POLD3: variants seen among roughly 807,000 people sequenced by gnomAD.
POLD3 encodes the protein DNA polymerase delta 3, accessory subunit, also known as DNA polymerase delta subunit 3.
A neutral mutation model predicts 58.2 loss-of-function variants in POLD3; 19 were observed. That is an observed-to-expected ratio of 0.33 (90% CI 0.23 to 0.48). POLD3 has a LOEUF of 0.48. POLD3 is among the 20% of genes least tolerant of loss of function. The pLI, the probability that POLD3 is intolerant of heterozygous loss-of-function variation, is 0.99. For missense variants in POLD3, 504 were observed against 545.5 expected (o/e 0.92, Z 0.76); for synonymous variants, 172 against 193.5 (o/e 0.89, Z 0.92).
Position 74,629,270 on chromosome 11 carries a change from G to A in POLD3, c.953G>A (p.Arg318Lys). The change falls in exon 9 of 12, where the codon AGG becomes AAG. Residue 318 changes from arginine (R) to lysine (K), a missense_variant. Around this residue, in one of 2 missense-constraint regions of POLD3, gnomAD observed 385 missense variants for 370.5 expected, o/e 1.04. Transcript: ENST00000263681. ...GAGACAAAGGAAACTGAAAACATGA[G>A]GAAAAAGAGGAGAAGAATCAAACTT... ...DDETKETENM[R>K]KKRRRIKLPE... 1 of 1,608,636 alleles carries A rather than the reference G, an allele frequency of 6.2e-7. No individual in the cohort carries two copies.
intron 3 of POLD3, among the ~76,000 whole-genome samples, chr11:74,608,915 T>C (rs17310668): frequency 0.038 from 5,817 of 152,298 alleles, 166 homozygotes; most frequent in Non-Finnish European, 0.054. Flanking sequence ...AGAAAATGCA[T>C]TATGAGAACA....
intron 4 of POLD3, among the ~76,000 whole-genome samples, chr11:74,665,112 TAAAAATAAAA>T (rs1333835350): frequency 4.9e-5 from 7 of 143,528 alleles, no homozygotes; most frequent in Non-Finnish European, 1.5e-5. Context: ...AAAATAAAAA[TAAAAATAAAA>T]TAAATAAATA....
chr11:74,622,945 A>G (rs1185637939), intron 7 of POLD3, among the ~76,000 whole-genome samples: 6 of 152,260 alleles, frequency 3.9e-5, no homozygotes, highest in Non-Finnish European at 2.9e-5. Flanking sequence ...AAAGTCTGTC[A>G]TCTGATGAAT....
chr11:74,665,894 C>G (rs1000303129), intron 4 of POLD3, among the ~76,000 whole-genome samples: 2 of 152,164 alleles, frequency 1.3e-5, no homozygotes, highest in African/African-American at 4.8e-5. Context: ...GTACTGGAGG[C>G]TCTAGCCAGG....
In POLD3 at chr11:74,642,092, C is replaced by G; in HGVS notation, c.*1326C>G. 3.0e-6 allele frequency: 3 copies of G among 985,434 alleles called. No individual in the cohort carries two copies. The highest frequency in any genetic ancestry group is 3.6e-6 in the Non-Finnish European group (3 of 829,944). The allele number at this position is 985,434 out of a possible 1,614,324, so 61.0% of individuals were successfully genotyped here. A position where few individuals can be genotyped will look rare whatever the true frequency, so the allele number is the denominator to read the frequency against. ...CAGACAAGGGGTGTCTGACTGGCTT[C>G]TTTTGCCTCAAGATGGTGTATGTCG... is the stretch of plus-strand genomic sequence containing the variant. On this transcript the variant is annotated 3_prime_UTR_variant, in exon 12 of 12. Transcript: ENST00000263681.
At chr11:74,628,926 C>T in intron 8 of POLD3, 1 of 231,328 alleles carries the variant, frequency 4.3e-6, no homozygotes, top group South Asian at 1.4e-4. Flanking sequence ...ATTGAAAGGC[C>T]AATCAGGGAA....
intron 11 of POLD3, 47 bp downstream of exon 11, chr11:74,636,322 A>C (rs2032750359): frequency 6.3e-7 from 1 of 1,583,716 alleles, no homozygotes; most frequent in East Asian, 2.2e-5. Flanking sequence ...ATCTCTTATT[A>C]CCACAGAGGC....
At chr11:74,615,157 C>T in intron 5 of POLD3, among the ~76,000 whole-genome samples, 1 of 152,190 alleles carries the variant, frequency 6.6e-6, no homozygotes, top group East Asian at 1.9e-4. Flanking sequence ...CTCTCAGTGC[C>T]TCCCTGTTCT....
chr11:74,658,180 T>C (rs1363133014), intron 4 of POLD3, among the ~76,000 whole-genome samples: 1 of 152,168 alleles, frequency 6.6e-6, no homozygotes, highest in Non-Finnish European at 1.5e-5. Flanking sequence ...AAGGCACTTC[T>C]TACATGGCAG....
At chr11:74,607,465 A>G (rs2135129645) in intron 3 of POLD3, among the ~76,000 whole-genome samples, 1 of 149,752 alleles carries the variant, frequency 6.7e-6, no homozygotes, top group East Asian at 2.0e-4. Flanking sequence ...GACGGGTTTC[A>G]CCATATTAGC....
At chr11:74,613,910 G>A (rs2031996894) in intron 5 of POLD3, among the ~76,000 whole-genome samples, 1 of 152,158 alleles carries the variant, frequency 6.6e-6, no homozygotes, top group African/African-American at 2.4e-5. Context: ...ATAGAGTGAG[G>A]GGACAAGACT....
intron 4 of POLD3, among the ~76,000 whole-genome samples, chr11:74,662,974 C>T (rs896663028): frequency 6.6e-6 from 1 of 152,200 alleles, no homozygotes; most frequent in Non-Finnish European, 1.5e-5. Flanking sequence ...TTGCTGCACT[C>T]TCCCTCCCCC....
intron 9 of POLD3, among the ~76,000 whole-genome samples, chr11:74,631,435 A>G (rs1051936648): frequency 1.3e-5 from 2 of 151,748 alleles, no homozygotes; most frequent in Non-Finnish European, 2.9e-5. Flanking sequence ...CAGAAGTGCC[A>G]AGACAGTGCT....
At chr11:74,599,944 GTTA>G (rs1291074433) in intron 2 of POLD3, among the ~76,000 whole-genome samples, 81 of 144,618 alleles carry the variant, frequency 5.6e-4, no homozygotes, top group African/African-American at 2.0e-3. Flanking sequence ...CATATATGTT[GTTA>G]TTATTATTAT....
chr11:74,656,082 G>A lies in POLD3; in HGVS notation c.370-12695G>A, dbSNP rs79062724. Among the ~76,000 whole-genome samples the A allele has an allele frequency of 7.8e-3, 1,184 of 152,256 alleles. 19 individuals carry two copies. Among genetic ancestry groups the A allele is most frequent in the African/African-American group, 0.027 (1,108 of 41,526 alleles). ...AACATTTAAAATGCCATTTATAATA[G>A]TGTCAAGAACATAAAATATTTAGGG... is the stretch of plus-strand genomic sequence containing the variant. On this transcript the variant is annotated intron_variant, in intron 4 of 4. Transcript: ENST00000524752.
At chr11:74,664,745 CAATT>C (rs1323069298) in intron 4 of POLD3, among the ~76,000 whole-genome samples, 1 of 152,132 alleles carries the variant, frequency 6.6e-6, no homozygotes, top group Non-Finnish European at 1.5e-5. Flanking sequence ...TCTGAAAAAT[CAATT>C]AATATAATAA....
At chr11:74,663,505 G>A (rs1464422438) in intron 4 of POLD3, among the ~76,000 whole-genome samples, 1 of 152,202 alleles carries the variant, frequency 6.6e-6, no homozygotes, top group Non-Finnish European at 1.5e-5. Context: ...ACAGTGTGGT[G>A]TTGACATAAA....
chr11:74,656,235 G>C (rs2033131901), intron 4 of POLD3, among the ~76,000 whole-genome samples: 1 of 152,036 alleles, frequency 6.6e-6, no homozygotes, highest in Non-Finnish European at 1.5e-5. Context: ...TTCCCTCTTA[G>C]TACTGCTTTT....
At chr11:74,618,975 C>G (rs1272213641) in intron 6 of POLD3, among the ~76,000 whole-genome samples, 171 bp downstream of exon 6, 1 of 152,112 alleles carries the variant, frequency 6.6e-6, no homozygotes, top group Non-Finnish European at 1.5e-5. Context: ...TGAAAGAGTT[C>G]TTTTGCTTTT....
Sources: allele counts gnomAD v4.1 joint callset (sites outside exome capture counted in the v4.1 genomes callset), GRCh38; gene constraint gnomAD v4.1.1; regional missense constraint gnomAD v4.1.1; transcripts MANE v1.5; gene names NCBI Gene and HGNC (gene_info 2026-07-23, HGNC 2026-07-21).